CCNJL: variants seen among roughly 807,000 people sequenced by gnomAD.
CCNJL encodes cyclin J like, also known as cyclin-J-like protein.
A neutral mutation model predicts 33.4 loss-of-function variants in CCNJL; 33 were observed. That is an observed-to-expected ratio of 0.99 (90% CI 0.75 to 1.32). CCNJL has a LOEUF of 1.32. CCNJL is among the 40% of genes most tolerant of loss of function. The pLI, the probability that CCNJL is intolerant of heterozygous loss-of-function variation, is 0.00. For missense variants in CCNJL, 512 were observed against 499.7 expected (o/e 1.02, Z -0.23); for synonymous variants, 227 against 220.9 (o/e 1.03, Z -0.24).
chr5:160,249,819 A>T lies in CCNJL; in HGVS notation c.*3559T>A, dbSNP rs947891963. On this transcript the variant is annotated 3_prime_UTR_variant, in exon 6 of 6. Transcript: ENST00000257536. Reference sequence around the variant, plus strand: ...AAATAAATAAATAAAATAAAAATTTAAAAAATCAAACTAAACTGGGGAGTT... The same window carrying T: ...AAATAAATAAATAAAATAAAAATTTTAAAAATCAAACTAAACTGGGGAGTT... The T allele has an allele frequency of 4.6e-5, 7 of 151,402 alleles. No individual in the cohort carries two copies. Among genetic ancestry groups the T allele is most frequent in the African/African-American group, 1.2e-4 (5 of 41,310 alleles). 9.4% of individuals were successfully genotyped at this position (151,402 alleles called of 1,614,324 possible).
At position 160,250,837 on chromosome 5, in the gene CCNJL, T is replaced by C. The variant is rs1232578232; in HGVS notation, c.*2541A>G. ...TCTTATGCTTGAAGAAATATAATAA[T>C]TATCTCCTTTTTTGGAGGTACTGGC... On this transcript the variant is annotated 3_prime_UTR_variant, in exon 6 of 6. Transcript: ENST00000257536. The C allele has an allele frequency of 1.3e-5, 2 of 152,208 alleles. No homozygotes were observed. The highest frequency in any genetic ancestry group is 4.8e-5 in the African/African-American group (2 of 41,438). The allele number at this position is 152,208 out of a possible 1,614,324, so 9.4% of individuals were successfully genotyped here. A position where few individuals can be genotyped will look rare whatever the true frequency, so the allele number is the denominator to read the frequency against.
At chr5:160,311,758 G>A in intron 2 of CCNJL, 100 bp downstream of exon 2, 1 of 1,107,674 alleles carries the variant, frequency 9.0e-7, no homozygotes, top group East Asian at 2.4e-5. Flanking sequence ...AAGGCACCCG[G>A]GAGTTCTGAG....
intron 2 of CCNJL, among the ~76,000 whole-genome samples, chr5:160,283,012 TATATATATATATATAC>T (rs1762289380): frequency 4.9e-5 from 4 of 82,190 alleles, no homozygotes; most frequent in Admixed American, 1.3e-4. Flanking sequence ...TATATATACA[TATATATATATATATAC>T]CTAAGAGAAA....
intron 2 of CCNJL, among the ~76,000 whole-genome samples, chr5:160,302,246 CAGA>C (rs1762947906): frequency 2.0e-5 from 3 of 149,806 alleles, no homozygotes; most frequent in African/African-American, 7.3e-5. Flanking sequence ...CATTGGATTG[CAGA>C]AGGACAGAAA....
At chr5:160,296,897 T>C (rs1208781016) in intron 2 of CCNJL, among the ~76,000 whole-genome samples, 4 of 152,278 alleles carry the variant, frequency 2.6e-5, no homozygotes, top group African/African-American at 9.6e-5. Flanking sequence ...GGTATAGCGG[T>C]AGGAGTGAGC....
intron 2 of CCNJL, among the ~76,000 whole-genome samples, chr5:160,301,816 G>A (rs1273225001): frequency 6.7e-6 from 1 of 150,280 alleles, no homozygotes; most frequent in South Asian, 2.1e-4. Flanking sequence ...TGCAACCTCT[G>A]CCTCCCGGGT....
At chr5:160,259,307 CCTTT>C (rs1226152816) in intron 4 of CCNJL, among the ~76,000 whole-genome samples, 158 bp downstream of exon 4, 1 of 152,172 alleles carries the variant, frequency 6.6e-6, no homozygotes, top group Non-Finnish European at 1.5e-5. Flanking sequence ...GAATCCTTGC[CCTTT>C]CTTTGCTTAC....
At chr5:160,298,900 TG>T (rs1762832088) in intron 2 of CCNJL, among the ~76,000 whole-genome samples, 1 of 152,108 alleles carries the variant, frequency 6.6e-6, no homozygotes, top group African/African-American at 2.4e-5. Flanking sequence ...ATCAATGGCA[TG>T]AAAAAAAATA....
intron 3 of CCNJL, among the ~76,000 whole-genome samples, chr5:160,265,899 TAAA>T (rs1038114676): frequency 6.6e-6 from 1 of 151,884 alleles, no homozygotes; most frequent in Non-Finnish European, 1.5e-5. Flanking sequence ...GCAATGCCTT[TAAA>T]AACAAGCAAA....
At chr5:160,278,096 G>A (rs982667747) in intron 3 of CCNJL, among the ~76,000 whole-genome samples, 1 of 152,092 alleles carries the variant, frequency 6.6e-6, no homozygotes. Flanking sequence ...TAGTAGAGAT[G>A]GGGTTTCTCC....
At position 160,291,036 on chromosome 5, in the gene CCNJL, T is replaced by TAAA. The variant is rs1177369719; in HGVS notation, c.67-10301_67-10299dup. The stretch of plus-strand genomic sequence containing the variant: ...AACATAGAAACACCCCGTCTTTACT[T>TAAA]AAAAAAAAAAAAAAAAAAAAAAAAA... On this transcript the variant is annotated intron_variant, in intron 2 of 5. Coordinates refer to ENST00000257536, the MANE Select transcript of CCNJL (RefSeq NM_001308173.3). Among the ~76,000 whole-genome samples, 212 of 57,476 alleles carry TAAA rather than the reference T, an allele frequency of 3.7e-3. 2 individuals carry two copies. The highest frequency in any genetic ancestry group is 9.9e-3 in the African/African-American group (116 of 11,756). 37.7% of individuals were successfully genotyped at this position (57,476 alleles called of 152,430 possible).
intron 2 of CCNJL, among the ~76,000 whole-genome samples, chr5:160,286,417 C>T (rs933528033): frequency 1.3e-5 from 2 of 152,114 alleles, no homozygotes; most frequent in Admixed American, 6.6e-5. Context: ...GTGGGCGGAT[C>T]GCTTGAGGCC....
At chr5:160,270,375 C>T (rs898844679) in intron 3 of CCNJL, among the ~76,000 whole-genome samples, 1 of 151,690 alleles carries the variant, frequency 6.6e-6, no homozygotes, top group Non-Finnish European at 1.5e-5. Flanking sequence ...ACCTGGGAGG[C>T]GGAGGTTGCG....
At chr5:160,323,392 G>C (rs746751747) in intron 1 of CCNJL, among the ~76,000 whole-genome samples, 2 of 152,082 alleles carry the variant, frequency 1.3e-5, no homozygotes, top group Non-Finnish European at 2.9e-5. Flanking sequence ...ACCGTGCCTG[G>C]CTCAAAAATA....
At chr5:160,282,982 T>TATATATATATATATATATATATATAC (rs1762275506) in intron 2 of CCNJL, among the ~76,000 whole-genome samples, 1 of 69,580 alleles carries the variant, frequency 1.4e-5, no homozygotes, top group Admixed American at 1.6e-4. Flanking sequence ...TATATATATA[T>TATATATATATATATATATATATATAC]ATATATATAT....
intron 1 of CCNJL, among the ~76,000 whole-genome samples, chr5:160,332,749 A>G (rs1763625789): frequency 6.6e-6 from 1 of 151,546 alleles, no homozygotes; most frequent in Non-Finnish European, 1.5e-5. Context: ...GCCACCTATT[A>G]TAGTTTCAAC....
intron 2 of CCNJL, among the ~76,000 whole-genome samples, chr5:160,285,882 G>A (rs1187235048): frequency 2.0e-5 from 3 of 152,232 alleles, no homozygotes; most frequent in African/African-American, 7.2e-5. Flanking sequence ...CTTCTTCCTA[G>A]GGTAAGGCCA....
At chr5:160,333,404 A>G (rs1423246169) in intron 1 of CCNJL, among the ~76,000 whole-genome samples, 1 of 151,926 alleles carries the variant, frequency 6.6e-6, no homozygotes, top group East Asian at 1.9e-4. Context: ...GATTACAGGC[A>G]TGAGCCACCG....
rs1581003979 is a variant in CCNJL at position 160,301,425 on chromosome 5, A to G, written c.66+10433T>C. 2.0e-5 allele frequency among the ~76,000 whole-genome samples: 3 copies of G among 151,396 alleles called. No homozygotes were observed. The East Asian group carries it at 5.8e-4, about 29-fold the overall frequency. Reference sequence around the variant, plus strand: ...ATGAGGAACTTTCTAGGTTGATGGCAATGGCCTATGTCTTTTTTTTTTTTT... The same window carrying G: ...ATGAGGAACTTTCTAGGTTGATGGCGATGGCCTATGTCTTTTTTTTTTTTT... On this transcript the variant is annotated intron_variant, in intron 2 of 5. Transcript: ENST00000257536.
Sources: gnomAD v4.1 joint callset for allele counts (sites outside exome capture counted in the v4.1 genomes callset) on GRCh38, gnomAD v4.1.1 for gene constraint, MANE v1.5 for transcripts, NCBI Gene and HGNC (gene_info 2026-07-23, HGNC 2026-07-21) for gene names.